Variants in SNU13 observed in about 807,000 individuals in gnomAD.
SNU13 encodes small nuclear ribonucleoprotein 13.
A neutral mutation model predicts 12.4 loss-of-function variants in SNU13; 2 were observed. That is an observed-to-expected ratio of 0.16 (90% CI 0.07 to 0.51). SNU13 has a LOEUF of 0.51. Among genes scored for constraint, SNU13 ranks in the 20% least tolerant of loss-of-function variants. The pLI, the probability that SNU13 is intolerant of heterozygous loss-of-function variation, is 0.96. For missense variants in SNU13, 66 were observed against 157.8 expected, an observed-to-expected ratio of 0.42 and a Z score of 3.12; for synonymous variants, 68 against 66.5, an observed-to-expected ratio of 1.02 and a Z score of -0.11.
At chr22:41,680,678 G>A (rs955929264) in intron 1 of SNU13, among the ~76,000 whole-genome samples, 1 of 152,142 alleles carries the variant, frequency 6.6e-6, no homozygotes, top group African/African-American at 2.4e-5. Context: ...GCATCCATTT[G>A]AGTCCATGGC....
At position 41,686,860 on chromosome 22, in the gene SNU13, C is replaced by T. The variant is rs182162852; in HGVS notation, c.3+1934G>A. 9.6e-5 allele frequency among the ~76,000 whole-genome samples: 14 copies of T among 145,648 alleles called. No homozygotes were observed. The East Asian group carries it at 2.7e-3, about 28-fold the overall frequency. ...CAGGCTGGTCTTGAACTCCTGACCT[C>T]ATGATCCACCCGCCTCAGCCTCCCA... On this transcript the variant is annotated intron_variant, in intron 1 of 2. Coordinates refer to ENST00000401959, the MANE Select transcript of SNU13 (RefSeq NM_001003796.2).
intron 2 of SNU13, 145 bp from the exon 3 acceptor site, chr22:41,675,340 T>C (rs938575168): frequency 1.1e-4 from 105 of 985,196 alleles, no homozygotes; most frequent in Admixed American, 1.5e-4. Context: ...CACCAGTCAG[T>C]CATACACAAT....
intron 1 of SNU13, among the ~76,000 whole-genome samples, chr22:41,685,329 C>T (rs2068301938): frequency 6.6e-6 from 1 of 151,932 alleles, no homozygotes; most frequent in Admixed American, 6.6e-5. Context: ...GTGTGGGCCA[C>T]CACTCCTGGC....
intron 2 of SNU13, among the ~76,000 whole-genome samples, chr22:41,677,180 T>C (rs1299301082): frequency 6.6e-6 from 1 of 152,154 alleles, no homozygotes; most frequent in Non-Finnish European, 1.5e-5. Context: ...CTAATTCTAA[T>C]TACCTAATAA....
At chr22:41,676,806 C>A (rs1244712601) in intron 2 of SNU13, among the ~76,000 whole-genome samples, 1 of 152,170 alleles carries the variant, frequency 6.6e-6, no homozygotes, top group Admixed American at 6.6e-5. Context: ...TCTTTTCTCT[C>A]GCTTTGCCGT....
intron 1 of SNU13, among the ~76,000 whole-genome samples, chr22:41,684,953 A>C (rs530815457): frequency 2.6e-5 from 4 of 152,248 alleles, no homozygotes; most frequent in African/African-American, 9.6e-5. Flanking sequence ...TCAGGAGTTC[A>C]AGACCAGCCT....
At chr22:41,675,262 G>A in intron 2 of SNU13, 67 bp from the exon 3 acceptor site, 1 of 1,569,624 alleles carries the variant, frequency 6.4e-7, no homozygotes, top group Non-Finnish European at 8.6e-7. Context: ...CAACAAACTG[G>A]GAAGAATGCC....
At chr22:41,675,582 TA>T (rs1236653949) in intron 2 of SNU13, among the ~76,000 whole-genome samples, 2 of 148,272 alleles carry the variant, frequency 1.3e-5, no homozygotes, top group Non-Finnish European at 3.0e-5. Context: ...CCACTGTGTT[TA>T]GCTAATTTTT....
At chr22:41,690,310 C>T, upstream of SNU13, 1 of 672,194 alleles carries the variant, frequency 1.5e-6, no homozygotes, top group East Asian at 2.7e-5. Context: ...ATCAAGCAGA[C>T]CGCAGGTTAT....
chr22:41,676,173 G>A (rs994741432), intron 2 of SNU13, among the ~76,000 whole-genome samples: 1 of 152,154 alleles, frequency 6.6e-6, no homozygotes, highest in African/African-American at 2.4e-5. Context: ...ATCTGTGACT[G>A]AGAGTCAGAG....
intron 2 of SNU13, among the ~76,000 whole-genome samples, chr22:41,677,085 C>T (rs1221545352): frequency 2.0e-5 from 3 of 152,152 alleles, no homozygotes; most frequent in African/African-American, 7.2e-5. Context: ...CTTTTCAGCA[C>T]GCATCTTTCT....
Position 41,674,425 on chromosome 22 carries a change from A to C in SNU13, c.*508T>G, listed in dbSNP as rs1333638143. On this transcript the variant is annotated 3_prime_UTR_variant, in exon 3 of 3. Coordinates refer to ENST00000401959, the MANE Select transcript of SNU13 (RefSeq NM_001003796.2). Reference sequence around the variant, plus strand: ...AAACGACACTTGGACATAGCCGAACAACCTCACAGAACACATGCTTCCTCC... The same window carrying C: ...AAACGACACTTGGACATAGCCGAACCACCTCACAGAACACATGCTTCCTCC... The C allele has an allele frequency of 6.3e-6, 1 of 157,886 alleles. No individual in the cohort carries two copies. The highest frequency in any genetic ancestry group is 1.4e-5 in the Non-Finnish European group (1 of 71,446). The allele number at this position is 157,886 out of a possible 1,614,324, so 9.8% of individuals were successfully genotyped here. A position where few individuals can be genotyped will look rare whatever the true frequency, so the allele number is the denominator to read the frequency against.
At chr22:41,689,074 C>G, upstream of SNU13, 1 of 1,185,126 alleles carries the variant, frequency 8.4e-7, no homozygotes, top group African/African-American at 1.6e-5. Flanking sequence ...CAAAAAGTAA[C>G]CCACCGGCCG....
intron 1 of SNU13, among the ~76,000 whole-genome samples, chr22:41,687,339 A>G (rs1398522743): frequency 6.6e-6 from 1 of 152,198 alleles, no homozygotes; most frequent in Non-Finnish European, 1.5e-5. Flanking sequence ...TGTCAATTTA[A>G]AAAAACTTTA....
intron 1 of SNU13, 60 bp downstream of exon 1, chr22:41,688,734 G>C: frequency 6.3e-7 from 1 of 1,591,738 alleles, no homozygotes. Context: ...AACAGGCTAG[G>C]GAGTGAACGC....
At chr22:41,684,156 C>T (rs948110295) in intron 1 of SNU13, among the ~76,000 whole-genome samples, 4 of 151,988 alleles carry the variant, frequency 2.6e-5, no homozygotes, top group Non-Finnish European at 2.9e-5. Context: ...CTACCTGCCT[C>T]GACCTCCCAA....
rs2068197550 is a variant in SNU13, at chr22:41,674,906, AG to A, written c.*26del. On this transcript the variant is annotated 3_prime_UTR_variant, in exon 3 of 3. Coordinates refer to ENST00000401959, the MANE Select transcript of SNU13 (RefSeq NM_001003796.2). ...ACACAACCTCAGGGGGGAAGCTGGC[AG>A]GGAGCACGTGGCAGAGGCCACAGGT... is the stretch of plus-strand genomic sequence containing the variant. 6.2e-7 allele frequency: 1 copy of A among 1,603,746 alleles called. No individual in the cohort carries two copies. The highest frequency in any genetic ancestry group is 8.5e-7 in the Non-Finnish European group (1 of 1,172,796).
At chr22:41,675,958 C>T (rs1177580638) in intron 2 of SNU13, among the ~76,000 whole-genome samples, 1 of 151,312 alleles carries the variant, frequency 6.6e-6, no homozygotes, top group Non-Finnish European at 1.5e-5. Context: ...TCTCAAACTC[C>T]TAACCTTGTG....
intron 1 of SNU13, 135 bp from the exon 2 acceptor site, chr22:41,680,499 G>A: frequency 2.4e-6 from 2 of 838,476 alleles, no homozygotes; most frequent in Non-Finnish European, 3.6e-6. Context: ...CAAAACACCA[G>A]GTAGTTAACA....
Sources: gnomAD v4.1 joint callset for allele counts (sites outside exome capture counted in the v4.1 genomes callset) on GRCh38, gnomAD v4.1.1 for gene constraint, MANE v1.5 for transcripts, NCBI Gene and HGNC (gene_info 2026-07-23, HGNC 2026-07-21) for gene names.